RELL1: variants seen among roughly 807,000 people sequenced by gnomAD.
The protein encoded by RELL1 is RELT like 1, also known as RELT-like protein 1.
In RELL1, 10 loss-of-function variants were observed where a neutral mutation model predicts 23.0. That is an observed-to-expected ratio of 0.43 (90% CI 0.27 to 0.74). The LOEUF is 0.74. Among genes scored for constraint, RELL1 ranks in the 30% least tolerant of loss-of-function variants. RELL1 has a pLI of 0.19. For synonymous variants in RELL1, 146 were observed against 146.8 expected, an observed-to-expected ratio of 0.99 and a Z score of 0.04; for missense variants, 315 against 364.4, an observed-to-expected ratio of 0.86 and a Z score of 1.10.
intron 1 of RELL1, among the ~76,000 whole-genome samples, chr4:37,651,522 G>T (rs964047823): frequency 6.6e-6 from 1 of 152,206 alleles, no homozygotes; most frequent in Non-Finnish European, 1.5e-5. Flanking sequence ...TTTCTCAAGA[G>T]AATTTTGGTG....
chr4:37,652,972 T>C (rs539048384), intron 1 of RELL1, among the ~76,000 whole-genome samples: 87 of 152,252 alleles, frequency 5.7e-4, no homozygotes, highest in African/African-American at 2.0e-3. Flanking sequence ...CTGTACTCTG[T>C]TTCCTCTCTG....
intron 1 of RELL1, among the ~76,000 whole-genome samples, chr4:37,680,341 C>G (rs1376221217): frequency 1.3e-5 from 2 of 152,184 alleles, no homozygotes; most frequent in African/African-American, 4.8e-5. Context: ...AGTGCCTTTT[C>G]AGGAACCCAT....
At chr4:37,602,591 G>A (rs1460121028) in intron 6 of RELL1, among the ~76,000 whole-genome samples, 1 of 152,088 alleles carries the variant, frequency 6.6e-6, no homozygotes, top group Non-Finnish European at 1.5e-5. Context: ...ATGGACGCAT[G>A]TAGACCCTTC....
intron 6 of RELL1, among the ~76,000 whole-genome samples, chr4:37,595,375 G>A (rs76464012): frequency 0.032 from 4,818 of 152,260 alleles, 120 homozygotes; most frequent in Middle Eastern, 0.1. Flanking sequence ...TCAACTATTA[G>A]CAATTTTTTT....
At chr4:37,637,573 C>T (rs190276867) in intron 4 of RELL1, among the ~76,000 whole-genome samples, 69 of 152,286 alleles carry the variant, frequency 4.5e-4, no homozygotes, top group African/African-American at 1.5e-3. Flanking sequence ...ATTGGCCCCC[C>T]GGGGTCCCCC....
intron 6 of RELL1, among the ~76,000 whole-genome samples, chr4:37,618,060 G>C (rs1176404714): frequency 6.6e-6 from 1 of 152,184 alleles, no homozygotes; most frequent in Non-Finnish European, 1.5e-5. Context: ...ATGCAGGGAG[G>C]AAGCTTAAAC....
At position 37,649,433 on chromosome 4, in the gene RELL1, C is replaced by A; in HGVS notation, c.156G>T (p.Gly52=). 3.7e-6 allele frequency: 6 copies of A among 1,614,218 alleles called. No individual in the cohort carries two copies. Among genetic ancestry groups the A allele is most frequent in the Non-Finnish European group, 5.1e-6 (6 of 1,180,028 alleles). ...ATGCAATATATTCTGGGTGTCCATT[C>A]CCAGTATCGTTGCTGGGCGACGGGG... ...ETTPSPSNDT[G]NGHPEYIAYA... Residue 52 remains glycine, a synonymous_variant, in exon 2 of 7, where the codon GGG becomes GGT. Coordinates refer to ENST00000454158, the MANE Select transcript of RELL1 (RefSeq NM_001085400.2).
chr4:37,669,783 T>C (rs1043270453), intron 1 of RELL1, among the ~76,000 whole-genome samples: 1 of 152,144 alleles, frequency 6.6e-6, no homozygotes, highest in African/African-American at 2.4e-5. Context: ...CCACTCAGGG[T>C]TAAATGGATT....
chr4:37,663,548 T>C (rs182840660), intron 1 of RELL1, among the ~76,000 whole-genome samples: 3 of 152,228 alleles, frequency 2.0e-5, no homozygotes, highest in Non-Finnish European at 2.9e-5. Context: ...GTGTTAGTGG[T>C]GTCAGGCAGT....
At chr4:37,613,994 T>C (rs1207752621) in intron 6 of RELL1, among the ~76,000 whole-genome samples, 1 of 152,192 alleles carries the variant, frequency 6.6e-6, no homozygotes, top group African/African-American at 2.4e-5. Flanking sequence ...TCCCCGTGTA[T>C]GCTGAAATAC....
intron 6 of RELL1, among the ~76,000 whole-genome samples, chr4:37,597,513 A>G (rs1222080399): frequency 6.6e-6 from 1 of 152,190 alleles, no homozygotes; most frequent in Non-Finnish European, 1.5e-5. Flanking sequence ...TCCTAAAGCT[A>G]TGGAGAAAGG....
At chr4:37,657,677 C>T (rs1316441681) in intron 1 of RELL1, among the ~76,000 whole-genome samples, 1 of 152,130 alleles carries the variant, frequency 6.6e-6, no homozygotes, top group African/African-American at 2.4e-5. Flanking sequence ...TGGCTTACAC[C>T]TGAAATCCCA....
chr4:37,624,922 C>G (rs1452705619), intron 6 of RELL1, among the ~76,000 whole-genome samples: 4 of 152,206 alleles, frequency 2.6e-5, no homozygotes. Context: ...TTAAGACCAC[C>G]AGCCATGACA....
Position 37,678,672 on chromosome 4 carries a change from T to A in RELL1, c.88+7528A>T, listed in dbSNP as rs535540218. Among the ~76,000 whole-genome samples the A allele has an allele frequency of 7.9e-5, 12 of 152,346 alleles. No individual in the cohort carries two copies. The East Asian group carries it at 2.3e-3, about 29-fold the overall frequency. On this transcript the variant is annotated intron_variant, in intron 1 of 6. Transcript: ENST00000454158. Reference sequence around the variant, plus strand: ...ATTCTTTAGCTGTGATAGGTTAGTATCTGGTTTAGCCTAGGCAATAATAAT... The same window carrying A: ...ATTCTTTAGCTGTGATAGGTTAGTAACTGGTTTAGCCTAGGCAATAATAAT...
chr4:37,631,603 C>A, intron 5 of RELL1, 80 bp from the exon 6 acceptor site: 1 of 1,495,302 alleles, frequency 6.7e-7, no homozygotes, highest in Admixed American at 2.1e-5. Flanking sequence ...AATCATCCAC[C>A]CAGAGGATCT....
intron 6 of RELL1, among the ~76,000 whole-genome samples, chr4:37,622,048 G>A (rs1577569910): frequency 6.6e-6 from 1 of 152,284 alleles, no homozygotes; most frequent in East Asian, 1.9e-4. Context: ...AGGACAAATA[G>A]GGCATATAGC....
chr4:37,646,662 T>C (rs1720718817), intron 3 of RELL1, among the ~76,000 whole-genome samples: 2 of 152,232 alleles, frequency 1.3e-5, no homozygotes, highest in Non-Finnish European at 2.9e-5. Context: ...GTACTTACCA[T>C]ACTGAGCACT....
intron 6 of RELL1, among the ~76,000 whole-genome samples, chr4:37,600,718 G>C (rs1334679373): frequency 6.6e-6 from 1 of 151,458 alleles, no homozygotes; most frequent in Non-Finnish European, 1.5e-5. Flanking sequence ...GATTTGGGAG[G>C]GTTGATTGGT....
chr4:37,641,845 G>C (rs1194505738), intron 3 of RELL1, among the ~76,000 whole-genome samples: 1 of 152,214 alleles, frequency 6.6e-6, no homozygotes, highest in Non-Finnish European at 1.5e-5. Flanking sequence ...GCACGTGCCA[G>C]TCACTGCCTG....
Sources: gnomAD v4.1 joint callset for allele counts (sites outside exome capture counted in the v4.1 genomes callset) on GRCh38, gnomAD v4.1.1 for gene constraint, MANE v1.5 for transcripts, NCBI Gene and HGNC (gene_info 2026-07-23, HGNC 2026-07-21) for gene names.